Variants in EFS observed in about 807,000 individuals in gnomAD.
EFS encodes Cas scaffolding protein family member 3.
Under a neutral mutation model 42.2 loss-of-function variants are expected in EFS, and 34 were observed. The ratio of observed to expected loss-of-function variants is 0.81; its 90% CI spans 0.61 to 1.07. The LOEUF is 1.07. Among genes scored for constraint, EFS ranks in the 50% least tolerant of loss-of-function variants. EFS has a pLI of 0.00. For synonymous variants in EFS, 299 were observed against 320.7 expected, an observed-to-expected ratio of 0.93 and a Z score of 0.72; for missense variants, 717 against 729.4, an observed-to-expected ratio of 0.98 and a Z score of 0.20.
chr14:23,357,365 C>T lies in EFS; in HGVS notation c.1547G>A (p.Arg516Gln), dbSNP rs764737841. 17 of 1,610,918 alleles carry T rather than the reference C, an allele frequency of 1.1e-5. No individual in the cohort carries two copies. The highest frequency in any genetic ancestry group is 2.2e-5 in the East Asian group (1 of 44,796). ...AAGTALGQAL[R>Q]ATVLAVKGAA... The stretch of plus-strand genomic sequence containing the variant: ...TCCCTTGACAGCCAGCACAGTGGCC[C>T]GCAATGCCTGGCCCAGTGCTGTACC... The change falls in exon 6 of 6, where the codon CGG (arginine) becomes CAG (glutamine). Residue 516 changes from arginine (R) to glutamine (Q), a missense_variant. Physicochemically the swap from Arg to Gln is conservative, Grantham distance 43 (BLOSUM62 1). Transcript: ENST00000216733.
chr14:23,360,431 G>A (rs781093590), intron 2 of EFS, 124 bp downstream of exon 2: 76 of 1,488,724 alleles, frequency 5.1e-5, no homozygotes, highest in Middle Eastern at 2.1e-4. Context: ...TTCGTCCAGC[G>A]CAGAGCAGTG....
intron 5 of EFS, among the ~76,000 whole-genome samples, chr14:23,358,520 G>A (rs927663388): frequency 2.6e-5 from 4 of 152,132 alleles, no homozygotes; most frequent in African/African-American, 9.7e-5. Flanking sequence ...AGTGAAGCTG[G>A]GATTAGAAGC....
At chr14:23,362,072 C>T (rs1158271932) in intron 1 of EFS, among the ~76,000 whole-genome samples, 1 of 152,190 alleles carries the variant, frequency 6.6e-6, no homozygotes, top group Non-Finnish European at 1.5e-5. Flanking sequence ...AACTCAAAAG[C>T]AAGTCAAGCG....
chr14:23,358,977 G>C lies in EFS; in HGVS notation c.1162-12C>G, dbSNP rs766395385. 1 of 1,601,522 alleles carries C rather than the reference G, an allele frequency of 6.2e-7. No homozygotes were observed. Among genetic ancestry groups the C allele is most frequent in the Non-Finnish European group, 8.5e-7 (1 of 1,173,872 alleles). ...GCTTTGTCCATGCCCTGCAGGAGGG[G>C]ATCAGGTCTCAGTGTCGGGGTGGGG... is the stretch of plus-strand genomic sequence containing the variant. On this transcript the variant is annotated splice_polypyrimidine_tract_variant and intron_variant, in intron 4 of 5. Coordinates refer to ENST00000216733, the MANE Select transcript of EFS (RefSeq NM_005864.4).
Position 23,359,514 on chromosome 14 carries a change from G to T in EFS, c.964C>A (p.Pro322Thr). The stretch of plus-strand genomic sequence containing the variant: ...CCCTTCCGGCCTGGGGCAGGAGAGG[G>T]CACTGGGGAGGGGCTGGGGGCCTCA... The part of the protein sequence containing the change: ...VPEAPSPSPV[P>T]SPAPGRKGSI... The change falls in exon 4 of 6, where the codon CCC (proline) becomes ACC (threonine). Residue 322 changes from proline (P) to threonine (T), a missense_variant. Physicochemically the swap from Pro to Thr is conservative, Grantham distance 38. Coordinates refer to ENST00000216733, the MANE Select transcript of EFS (RefSeq NM_005864.4). The T allele has an allele frequency of 6.4e-7, 1 of 1,552,506 alleles. No homozygotes were observed. Among genetic ancestry groups the T allele is most frequent in the Non-Finnish European group, 8.7e-7 (1 of 1,155,006 alleles).
rs201309553 is a variant in EFS, at chr14:23,360,256, C to T, written c.323G>A (p.Arg108Gln). The T allele has an allele frequency of 2.2e-4, 349 of 1,613,280 alleles. No homozygotes were observed. The highest frequency in any genetic ancestry group is 2.7e-4 in the Non-Finnish European group (320 of 1,179,640). ...TGGAGGTCCTGAGGTTGGACAGGGC[C>T]GAGCTGGGGGCGGCACCACATACAC... ...QEVYVVPPPA[R>Q]PCPTSGPPAG... Residue 108 changes from arginine (R) to glutamine (Q), a missense_variant, in exon 3 of 6, where the codon CGG (arginine) becomes CAG (glutamine). Transcript: ENST00000216733.
At chr14:23,358,473 G>C (rs1890001259) in intron 5 of EFS, among the ~76,000 whole-genome samples, 1 of 152,176 alleles carries the variant, frequency 6.6e-6, no homozygotes, top group African/African-American at 2.4e-5. Flanking sequence ...GGCCTGGAGA[G>C]ATTAACTGAC....
Position 23,360,657 on chromosome 14 carries a change from G to C in EFS, c.195C>G (p.Leu65=). 1 of 1,613,354 alleles carries C rather than the reference G, an allele frequency of 6.2e-7. No homozygotes were observed. Among genetic ancestry groups the C allele is most frequent in the Non-Finnish European group, 8.5e-7 (1 of 1,179,680 alleles). ...GCTTGGGTGCTGGGCCAGCAGGCAA[G>C]AGCTTCACCCTGTTGGCGGGCACAA... ...QGIVPANRVK[L]LPAGPAPKPS... is the part of the protein sequence containing the mutation. The change falls in exon 2 of 6, where the codon CTC becomes CTG. Residue 65 remains leucine (L), a synonymous_variant. Transcript: ENST00000216733.
rs1381197113 is a variant in EFS at position 23,360,250 on chromosome 14, C to T, written c.329G>A (p.Cys110Tyr). Residue 110 changes from cysteine (C) to tyrosine (Y), a missense_variant, in exon 3 of 6, where the codon TGT becomes TAT. Physicochemically the swap from Cys to Tyr is radical, Grantham distance 194. Transcript: ENST00000216733. ...TCCAGCTGGAGGTCCTGAGGTTGGA[C>T]AGGGCCGAGCTGGGGGCGGCACCAC... Reference protein sequence around the residue: ...VYVVPPPARPCPTSGPPAGPC... With the variant: ...VYVVPPPARPYPTSGPPAGPC... 3 of 1,613,694 alleles carry T rather than the reference C, an allele frequency of 1.9e-6. No individual in the cohort carries two copies. Among genetic ancestry groups the T allele is most frequent in the Non-Finnish European group, 2.5e-6 (3 of 1,179,812 alleles).
chr14:23,364,980 G>A (rs1023557755), intron 1 of EFS, 28 bp downstream of exon 1: 3 of 1,298,932 alleles, frequency 2.3e-6, no homozygotes, highest in African/African-American at 1.5e-5. Flanking sequence ...GTCTCTCCCC[G>A]GCAGCCTCCA....
At position 23,360,785 on chromosome 14, in the gene EFS, C is replaced by G. The variant is rs1890126320; in HGVS notation, c.67G>C (p.Glu23Gln). 6.2e-7 allele frequency: 1 copy of G among 1,613,816 alleles called. No homozygotes were observed. The highest frequency in any genetic ancestry group is 2.2e-5 in the East Asian group (1 of 44,866). The part of the protein sequence containing the change: ...LYDNTAESPQ[E>Q]LSFRRGDVLR... ...ACATCCCCTCGGCGGAAGGACAGCTCCTGGGGGGACTCAGCGGTGTTGTCA... is the reference window on the plus strand; with the variant it reads ...ACATCCCCTCGGCGGAAGGACAGCTGCTGGGGGGACTCAGCGGTGTTGTCA... Residue 23 changes from glutamate (E) to glutamine (Q), a missense_variant, in exon 2 of 6, where the codon GAG becomes CAG. Transcript: ENST00000216733.
chr14:23,365,026 G>T lies in EFS; in HGVS notation c.-1C>A. The stretch of plus-strand genomic sequence containing the variant: ...GACTCACCGACGTGGCAATGGCCAT[G>T]GCTTTGGCCTCCCGCGCAGCCTGCC... On this transcript the variant is annotated 5_prime_UTR_variant, in exon 1 of 6. Transcript: ENST00000216733. This position sits in a 1 kb window ranked among gnomAD's most constrained non-coding sequence, Gnocchi z 5.3. The T allele has an allele frequency of 7.5e-7, 1 of 1,335,834 alleles. No individual in the cohort carries two copies. The highest frequency in any genetic ancestry group is 2.9e-5 in the East Asian group (1 of 34,838). The allele number at this position is 1,335,834 out of a possible 1,614,324, so 82.7% of individuals were successfully genotyped here. A position where few individuals can be genotyped will look rare whatever the true frequency, so the allele number is the denominator to read the frequency against.
In EFS at chr14:23,357,176, AAGGGGGGCTTTGGCAGGCAGGGGAGG is replaced by A; in HGVS notation, c.*24_*49del. 1 of 1,472,558 alleles carries A rather than the reference AAGGGGGGCTTTGGCAGGCAGGGGAGG, an allele frequency of 6.8e-7. No homozygotes were observed. Among genetic ancestry groups the A allele is most frequent in the Non-Finnish European group, 9.1e-7 (1 of 1,102,722 alleles). 91.2% of individuals were successfully genotyped at this position (1,472,558 alleles called of 1,614,324 possible). A position where few individuals can be genotyped will look rare whatever the true frequency, so the allele number is the denominator to read the frequency against. The stretch of plus-strand genomic sequence containing the variant: ...AAGCCTTCCAGCCACCCAAGGCCTA[AAGGGGGGCTTTGGCAGGCAGGGGAGG>A]AGCAGAGCTGTGCCAAAGGACCTTC... On this transcript the variant is annotated 3_prime_UTR_variant, in exon 6 of 6. Transcript: ENST00000216733.
Position 23,359,919 on chromosome 14 carries a change from G to C in EFS, c.559C>G (p.Pro187Ala), listed in dbSNP as rs1177966734. Residue 187 changes from proline (P) to alanine (A), a missense_variant, in exon 4 of 6, where the codon CCC becomes GCC. By Grantham distance (27) the Pro-to-Ala change is conservative. Transcript: ENST00000216733. ...APQPPGEDDA[P>A]YDVPLTPKPP... Reference sequence around the variant, plus strand: ...TTTGGGGTCAGAGGCACATCATAGGGAGCATCATCCTCTCCAGGGGGCTGC... The same window carrying C: ...TTTGGGGTCAGAGGCACATCATAGGCAGCATCATCCTCTCCAGGGGGCTGC... 2 of 1,548,848 alleles carry C rather than the reference G, an allele frequency of 1.3e-6. No individual in the cohort carries two copies. The highest frequency in any genetic ancestry group is 2.3e-5 in the East Asian group (1 of 44,360).
At chr14:23,360,945 A>G in intron 1 of EFS, 112 bp from the exon 2 acceptor site, 1 of 1,130,814 alleles carries the variant, frequency 8.8e-7, no homozygotes, top group Non-Finnish European at 1.2e-6. Context: ...AAAAAACCTG[A>G]ACTCTGGATG....
In EFS at chr14:23,363,006, C is replaced by T. The variant is rs569276455; in HGVS notation, c.18+2002G>A. On this transcript the variant is annotated intron_variant, in intron 1 of 5. Transcript: ENST00000216733. The stretch of plus-strand genomic sequence containing the variant: ...TCGGCTCACTGCAAGCTCCGCCTCC[C>T]GGGTTCACGCCATTCTCCTGCCTCA... 1.7e-3 allele frequency among the ~76,000 whole-genome samples: 263 copies of T among 151,702 alleles called. 2 individuals are homozygous for T. Among genetic ancestry groups the T allele is most frequent in the African/African-American group, 5.9e-3 (244 of 41,198 alleles).
At position 23,357,433 on chromosome 14, in the gene EFS, C is replaced by T. The variant is rs1889957099; in HGVS notation, c.1479G>A (p.Arg493=). Residue 493 remains arginine (R), a synonymous_variant, in exon 6 of 6, where the codon CGG becomes CGA. Coordinates refer to ENST00000216733, the MANE Select transcript of EFS (RefSeq NM_005864.4). ...RLVFVGDTLG[R]LAASAPLRAQ... ...CTCTCAGAGGGGCAGAGGCTGCCAG[C>T]CGGCCCAGGGTGTCCCCAACAAACA... is the stretch of plus-strand genomic sequence containing the variant. The T allele has an allele frequency of 1.2e-6, 2 of 1,613,060 alleles. No homozygotes were observed. Among genetic ancestry groups the T allele is most frequent in the East Asian group, 4.5e-5 (2 of 44,874 alleles).
Position 23,358,892 on chromosome 14 carries a change from C to A in EFS, c.1235G>T (p.Gly412Val). 1 of 1,612,374 alleles carries A rather than the reference C, an allele frequency of 6.2e-7. No individual in the cohort carries two copies. Among genetic ancestry groups the A allele is most frequent in the Non-Finnish European group, 8.5e-7 (1 of 1,179,266 alleles). The change falls in exon 5 of 6, where the codon GGG becomes GTG. Residue 412 changes from glycine (G) to valine (V), a missense_variant. Gly to Val is a moderately radical substitution (Grantham distance 109). Coordinates refer to ENST00000216733, the MANE Select transcript of EFS (RefSeq NM_005864.4). The stretch of plus-strand genomic sequence containing the variant: ...CAGGGTCACCTGCGGCGCCGGCATC[C>A]CCCTCTCGGGCAGTTCAGGATCCCC... ...CTGDPELPER[G>V]MPAPQEALSP...
Position 23,365,095 on chromosome 14 carries a change from G to T in EFS, c.-70C>A, listed in dbSNP as rs1007182392. The stretch of plus-strand genomic sequence containing the variant: ...TGCTGACTTCAGCGGTGGCTGCCCC[G>T]CACCATGGTCCGCGGCCTCTAGCCC... On this transcript the variant is annotated 5_prime_UTR_variant, in exon 1 of 6. Coordinates refer to ENST00000216733, the MANE Select transcript of EFS (RefSeq NM_005864.4). The surrounding 1 kb of genome is among the most constrained non-coding windows in gnomAD (Gnocchi z 5.3). The T allele has an allele frequency of 7.5e-5, 94 of 1,247,520 alleles. No individual in the cohort carries two copies. Among genetic ancestry groups the T allele is most frequent in the Non-Finnish European group, 9.3e-5 (91 of 982,366 alleles). The allele number at this position is 1,247,520 out of a possible 1,614,324, so 77.3% of individuals were successfully genotyped here.
Sources: allele counts gnomAD v4.1 joint callset (sites outside exome capture counted in the v4.1 genomes callset), GRCh38; gene constraint gnomAD v4.1.1; non-coding constraint Gnocchi (gnomAD v3.1); transcripts MANE v1.5; gene names NCBI Gene and HGNC (gene_info 2026-07-23, HGNC 2026-07-21).